Variants in AP3B1 observed in about 807,000 individuals in gnomAD.
The protein encoded by AP3B1 is adaptor related protein complex 3 subunit beta 1, also known as AP-3 complex subunit beta-1.
In AP3B1, 61 loss-of-function variants were observed where a neutral mutation model predicts 132.5. The observed-to-expected ratio is 0.46, with a 90% CI of 0.37 to 0.57. The LOEUF is 0.57. Ranked by LOEUF, AP3B1 falls within the 20% of genes least tolerant of loss-of-function variation. The pLI, the probability that AP3B1 is intolerant of heterozygous loss-of-function variation, is 0.00. For missense variants in AP3B1, 1,120 were observed against 1,289.4 expected, an observed-to-expected ratio of 0.87 and a Z score of 2.01; for synonymous variants, 388 against 438.3, an observed-to-expected ratio of 0.89 and a Z score of 1.43.
rs115062374 is a variant in AP3B1 at position 78,051,048 on chromosome 5, C to T, written c.2578-11774G>A. Among the ~76,000 whole-genome samples, 1,185 of 152,226 alleles carry T rather than the reference C, an allele frequency of 7.8e-3. 15 individuals carry two copies. The highest frequency in any genetic ancestry group is 0.027 in the African/African-American group (1,115 of 41,554). On this transcript the variant is annotated intron_variant, in intron 22 of 26. Coordinates refer to ENST00000255194, the MANE Select transcript of AP3B1 (RefSeq NM_003664.5). ...GAAAATAAGCAATCAATTCTGCAGA[C>T]ACAACATTATTTCTAAAGGAAATCT...
intron 17 of AP3B1, 43 bp downstream of exon 17, chr5:78,127,987 T>G (rs751109470): frequency 1.4e-5 from 23 of 1,606,502 alleles, no homozygotes; most frequent in East Asian, 2.2e-5. Context: ...TCCTAGAGTC[T>G]TCCACTGCTT....
chr5:78,205,681 G>C (rs1745474823), intron 7 of AP3B1, among the ~76,000 whole-genome samples: 1 of 152,058 alleles, frequency 6.6e-6, no homozygotes, highest in Non-Finnish European at 1.5e-5. Context: ...GGCTAGAACT[G>C]TTCAAATTAG....
intron 22 of AP3B1, among the ~76,000 whole-genome samples, chr5:78,081,368 C>G (rs992687742): frequency 3.0e-5 from 4 of 135,100 alleles, no homozygotes; most frequent in Non-Finnish European, 6.1e-5. Flanking sequence ...AGTGCAGTGG[C>G]GCGATCTCGG....
intron 19 of AP3B1, 69 bp from the exon 20 acceptor site, chr5:78,110,423 G>T: frequency 2.4e-6 from 3 of 1,265,224 alleles, no homozygotes; most frequent in East Asian, 2.5e-5. Flanking sequence ...TAAAAAAATT[G>T]TTTTTAAATT....
rs755353753 is a variant in AP3B1, at chr5:78,240,850, T to A, written c.279+12A>T. On this transcript the variant is annotated intron_variant, in intron 3 of 26. Coordinates refer to ENST00000255194, the MANE Select transcript of AP3B1 (RefSeq NM_003664.5). The stretch of plus-strand genomic sequence containing the variant: ...CAAAAGGAATCATAAAAATTATAGA[T>A]CAAAACAGTACCTCAATATTTTTAC... 6.3e-7 allele frequency: 1 copy of A among 1,585,324 alleles called. No individual in the cohort carries two copies. Among genetic ancestry groups the A allele is most frequent in the Admixed American group, 1.7e-5 (1 of 59,972 alleles).
intron 26 of AP3B1, among the ~76,000 whole-genome samples, chr5:78,008,568 C>A (rs565381723): frequency 6.6e-6 from 1 of 152,086 alleles, no homozygotes; most frequent in African/African-American, 2.4e-5. Context: ...TAGTGGACAG[C>A]CACCAACCTG....
At chr5:78,224,048 TTATAA>T (rs1054108443) in intron 6 of AP3B1, among the ~76,000 whole-genome samples, 4 of 152,160 alleles carry the variant, frequency 2.6e-5, no homozygotes, top group African/African-American at 9.7e-5. Flanking sequence ...TCTCTTGCAC[TTATAA>T]TAGAAAAGCA....
At chr5:78,033,130 G>A (rs1249070755) in intron 24 of AP3B1, among the ~76,000 whole-genome samples, 1 of 152,014 alleles carries the variant, frequency 6.6e-6, no homozygotes, top group African/African-American at 2.4e-5. Context: ...CTTTGTCATT[G>A]GGTTCACATT....
intron 14 of AP3B1, among the ~76,000 whole-genome samples, chr5:78,147,902 C>T (rs934211713): frequency 6.6e-6 from 1 of 151,926 alleles, no homozygotes; most frequent in Non-Finnish European, 1.5e-5. Context: ...GGCACGGTGG[C>T]GCATGCCTGT....
chr5:78,036,686 A>G (rs1261295456), intron 23 of AP3B1, among the ~76,000 whole-genome samples: 1 of 152,168 alleles, frequency 6.6e-6, no homozygotes, highest in Non-Finnish European at 1.5e-5. Context: ...ACACAGAGTG[A>G]AATCCAGAAA....
At chr5:78,119,319 A>G (rs1350690889) in intron 17 of AP3B1, among the ~76,000 whole-genome samples, 1 of 152,226 alleles carries the variant, frequency 6.6e-6, no homozygotes, top group African/African-American at 2.4e-5. Flanking sequence ...CCTCACCAGC[A>G]ACAGAACAAA....
chr5:78,259,720 C>A (rs965678738), intron 2 of AP3B1, among the ~76,000 whole-genome samples: 1 of 152,150 alleles, frequency 6.6e-6, no homozygotes, highest in South Asian at 2.1e-4. Context: ...GTAATCCCAG[C>A]ACTTTGGGAG....
intron 17 of AP3B1, among the ~76,000 whole-genome samples, chr5:78,117,556 T>C (rs1291839024): frequency 1.3e-5 from 2 of 152,122 alleles, no homozygotes; most frequent in African/African-American, 2.4e-5. Flanking sequence ...GTGATCCACC[T>C]GCCTCGACCT....
chr5:78,006,265 G>A (rs981160854), intron 26 of AP3B1, among the ~76,000 whole-genome samples: 1 of 152,140 alleles, frequency 6.6e-6, no homozygotes, highest in African/African-American at 2.4e-5. Flanking sequence ...CTGAACCCAA[G>A]CATTCTGATT....
chr5:78,092,264 C>T lies in AP3B1; in HGVS notation c.2471-2765G>A, dbSNP rs753953172. 3.5e-4 allele frequency among the ~76,000 whole-genome samples: 53 copies of T among 152,328 alleles called. 1 individual carries two copies. The highest frequency in any genetic ancestry group is 6.8e-3 in the Middle Eastern group (2 of 294). ...TCAAGAGACAAGAGAAGAAACTTCA[C>T]ACCACAAGCAAGTTCTGCTGTTTTT... is the stretch of plus-strand genomic sequence containing the variant. On this transcript the variant is annotated intron_variant, in intron 21 of 26. Coordinates refer to ENST00000255194, the MANE Select transcript of AP3B1 (RefSeq NM_003664.5).
At chr5:78,187,489 CAT>C (rs1002534078) in intron 7 of AP3B1, among the ~76,000 whole-genome samples, 100 of 152,236 alleles carry the variant, frequency 6.6e-4, no homozygotes, top group African/African-American at 2.4e-3. Context: ...ATGAAAGACA[CAT>C]ATGTATTGCT....
chr5:78,062,884 T>TG (rs1337066475), intron 22 of AP3B1, among the ~76,000 whole-genome samples: 1 of 152,146 alleles, frequency 6.6e-6, no homozygotes. Context: ...GCTGGGCTGA[T>TG]GGGCACCAAA....
intron 7 of AP3B1, among the ~76,000 whole-genome samples, chr5:78,187,949 C>A (rs1265149492): frequency 1.3e-5 from 2 of 152,174 alleles, no homozygotes; most frequent in Non-Finnish European, 2.9e-5. Context: ...ACCATCTGAT[C>A]TTCAACAAAT....
chr5:78,154,466 T>A (rs1743059820), intron 14 of AP3B1, among the ~76,000 whole-genome samples: 1 of 152,196 alleles, frequency 6.6e-6, no homozygotes, highest in Non-Finnish European at 1.5e-5. Flanking sequence ...TATAACCTTC[T>A]TGTACTTCAA....
Sources: gnomAD v4.1 joint callset for allele counts (sites outside exome capture counted in the v4.1 genomes callset) on GRCh38, gnomAD v4.1.1 for gene constraint, MANE v1.5 for transcripts, NCBI Gene and HGNC (gene_info 2026-07-23, HGNC 2026-07-21) for gene names.